Variants in MAP3K6 observed in about 807,000 individuals in gnomAD.
MAP3K6 encodes the protein mitogen-activated protein kinase kinase kinase 6, also known as apoptosis signal-regulating kinase 2.
A neutral mutation model predicts 147.1 loss-of-function variants in MAP3K6; 105 were observed. The observed-to-expected ratio is 0.71, with a 90% CI of 0.61 to 0.84. MAP3K6 has a LOEUF of 0.84. Ranked by LOEUF, MAP3K6 falls within the 40% of genes least tolerant of loss-of-function variation. The probability of loss-of-function intolerance (pLI) is 0.00; values close to 1 mark genes in which losing one functional copy is unlikely to be tolerated. For missense variants in MAP3K6, 1,569 were observed against 1,715.0 expected (o/e 0.91, Z 1.50); for synonymous variants, 695 against 732.4 (o/e 0.95, Z 0.82).
chr1:27,358,034 G>T lies in MAP3K6; in HGVS notation c.2915+147C>A. 2 of 1,489,542 alleles carry T rather than the reference G, an allele frequency of 1.3e-6. No homozygotes were observed. Among genetic ancestry groups the T allele is most frequent in the South Asian group, 2.7e-5 (2 of 72,748 alleles). The allele number at this position is 1,489,542 out of a possible 1,614,324, so 92.3% of individuals were successfully genotyped here. A position where few individuals can be genotyped will look rare whatever the true frequency, so the allele number is the denominator to read the frequency against. ...GAGAGGACACAACAAGTCCAAGTTA[G>T]AGTTGCCAGAACAGGGCATGGGGAG... On this transcript the variant is annotated intron_variant, in intron 21 of 28. Transcript: ENST00000357582. The surrounding 1 kb of genome is among the most constrained non-coding windows in gnomAD (Gnocchi z 6.2).
At chr1:27,365,650 C>G (rs1280090830) in intron 1 of MAP3K6, among the ~76,000 whole-genome samples, 2 of 151,966 alleles carry the variant, frequency 1.3e-5, no homozygotes, top group African/African-American at 4.8e-5. Context: ...CTTCCCCGCC[C>G]CTTCCCCGCC....
At chr1:27,363,048 C>T (rs1428491846) in intron 6 of MAP3K6, 27 bp from the exon 7 acceptor site, 1 of 1,597,056 alleles carries the variant, frequency 6.3e-7, no homozygotes. Context: ...CTCAGGCCCT[C>T]CCTGATGGCC....
Position 27,359,417 on chromosome 1 carries a change from C to G in MAP3K6, c.2425G>C (p.Gly809Arg), listed in dbSNP as rs763272163. 1 of 1,614,138 alleles carries G rather than the reference C, an allele frequency of 6.2e-7. No individual in the cohort carries two copies. The highest frequency in any genetic ancestry group is 1.7e-5 in the Admixed American group (1 of 60,022). ...GITPCTETFT[G>R]TLQYMAPEII... ...ACTCACCACCCCCACACCTTGTTAC[C>G]TGTGAAGGTCTCAGTGCAAGGTGTG... The change falls in exon 18 of 29, where the codon GGA becomes CGA. Residue 809 changes from glycine (G) to arginine (R), a missense_variant and splice_region_variant. Gly to Arg is a moderately radical substitution (Grantham distance 125, BLOSUM62 -2). Coordinates refer to ENST00000357582, the MANE Select transcript of MAP3K6 (RefSeq NM_004672.5). This position sits in a 1 kb window ranked among gnomAD's most constrained non-coding sequence, Gnocchi z 4.4.
chr1:27,364,719 G>T lies in MAP3K6; in HGVS notation c.481-35C>A. On this transcript the variant is annotated intron_variant, in intron 2 of 28. Transcript: ENST00000357582. This position sits in a 1 kb window ranked among gnomAD's most constrained non-coding sequence, Gnocchi z 4.4. ...GCAGACAGTCAGATACTGGTGTTCT[G>T]TGTAGGCCTTACCCCAGCCCTGTGC... The T allele has an allele frequency of 3.7e-6, 6 of 1,614,174 alleles. No individual in the cohort carries two copies. Among genetic ancestry groups the T allele is most frequent in the Non-Finnish European group, 5.1e-6 (6 of 1,180,024 alleles).
Position 27,366,373 on chromosome 1 carries a change from C to G in MAP3K6, c.225G>C (p.Leu75=). Residue 75 remains leucine, a synonymous_variant, in exon 1 of 29, where the codon CTG becomes CTC. Coordinates refer to ENST00000357582, the MANE Select transcript of MAP3K6 (RefSeq NM_004672.5). This position sits in a 1 kb window ranked among gnomAD's most constrained non-coding sequence, Gnocchi z 5.5. ...GGGGGACCTGCGCGCAAGCCTCGCG[C>G]AGGCAGCGCAGGGGCAGCGGCTCCG... ...TEAEPLPLRC[L]REACAQVPRP... is the part of the protein sequence containing the mutation. The G allele has an allele frequency of 7.9e-7, 1 of 1,270,452 alleles. No individual in the cohort carries two copies. Among genetic ancestry groups the G allele is most frequent in the Non-Finnish European group, 9.9e-7 (1 of 1,009,240 alleles). 78.7% of individuals were successfully genotyped at this position (1,270,452 alleles called of 1,614,324 possible).
Position 27,360,595 on chromosome 1 carries a change from T to A in MAP3K6, c.2054+110A>T. 1 of 1,459,192 alleles carries A rather than the reference T, an allele frequency of 6.9e-7. No homozygotes were observed. Among genetic ancestry groups the A allele is most frequent in the Non-Finnish European group, 9.1e-7 (1 of 1,100,936 alleles). The allele number at this position is 1,459,192 out of a possible 1,614,324, so 90.4% of individuals were successfully genotyped here. A position where few individuals can be genotyped will look rare whatever the true frequency, so the allele number is the denominator to read the frequency against. ...AGTCCACAGGGCTCGAACTCTCAGG[T>A]CCTACGAGCCCGCCCACTAGGCCCC... On this transcript the variant is annotated intron_variant, in intron 15 of 28. Transcript: ENST00000357582. The surrounding 1 kb of genome is among the most constrained non-coding windows in gnomAD (Gnocchi z 4.5).
intron 28 of MAP3K6, 55 bp downstream of exon 28, chr1:27,355,614 G>C: frequency 6.3e-7 from 1 of 1,598,826 alleles, no homozygotes; most frequent in Non-Finnish European, 8.6e-7. Context: ...CAGGCCTGCA[G>C]TTGGCCAGGA....
In MAP3K6 at chr1:27,359,283, A is replaced by G. The variant is rs910055697; in HGVS notation, c.2425+134T>C. ...ATGCCACCACCTCAGCCCTGGCCCAATCACTCACCCTGGGTTTCATTCCCC... is the reference window on the plus strand; with the variant it reads ...ATGCCACCACCTCAGCCCTGGCCCAGTCACTCACCCTGGGTTTCATTCCCC... On this transcript the variant is annotated intron_variant, in intron 18 of 28. Transcript: ENST00000357582. This position sits in a 1 kb window ranked among gnomAD's most constrained non-coding sequence, Gnocchi z 4.4. 7.6e-7 allele frequency: 1 copy of G among 1,309,352 alleles called. No homozygotes were observed. Among genetic ancestry groups the G allele is most frequent in the South Asian group, 1.3e-5 (1 of 74,158 alleles). 81.1% of individuals were successfully genotyped at this position (1,309,352 alleles called of 1,614,324 possible).
rs1434342402 is a variant in MAP3K6, at chr1:27,364,980, TCCTGGCTTGA to T, written c.341-78_341-69del. 6 of 1,506,422 alleles carry T rather than the reference TCCTGGCTTGA, an allele frequency of 4.0e-6. No individual in the cohort carries two copies. Among genetic ancestry groups the T allele is most frequent in the Non-Finnish European group, 5.4e-6 (6 of 1,119,754 alleles). 93.3% of individuals were successfully genotyped at this position (1,506,422 alleles called of 1,614,324 possible). On this transcript the variant is annotated intron_variant, in intron 1 of 28. Transcript: ENST00000357582. This position sits in a 1 kb window ranked among gnomAD's most constrained non-coding sequence, Gnocchi z 4.4. ...TTGATGGGGAAGGAGCCGGGGTCCA[TCCTGGCTTGA>T]CCTGCCTTGCTGTGGGACTCCAGTA...
In MAP3K6 at chr1:27,361,801, A is replaced by G. The variant is rs1005935363; in HGVS notation, c.1482T>C (p.Pro494=). The part of the protein sequence containing the change: ...YQHFRPTPEP[P]GGPPRRAHFW... The stretch of plus-strand genomic sequence containing the variant: ...AGTGGGCACGGCGTGGTGGCCCTCC[A>G]GGGGGCTCTGGCGTGGGCCTGAAGT... The change falls in exon 10 of 29, where the codon CCT becomes CCC. Residue 494 remains proline (P), a synonymous_variant. Transcript: ENST00000357582. The G allele has an allele frequency of 3.1e-6, 5 of 1,609,576 alleles. No individual in the cohort carries two copies. The highest frequency in any genetic ancestry group is 2.7e-5 in the African/African-American group (2 of 74,894).
chr1:27,359,533 G>C lies in MAP3K6; in HGVS notation c.2320-11C>G, dbSNP rs1278559539. 1 of 1,614,030 alleles carries C rather than the reference G, an allele frequency of 6.2e-7. No homozygotes were observed. Among genetic ancestry groups the C allele is most frequent in the Admixed American group, 1.7e-5 (1 of 60,012 alleles). On this transcript the variant is annotated splice_polypyrimidine_tract_variant and intron_variant, in intron 17 of 28. Transcript: ENST00000357582. The surrounding 1 kb of genome is among the most constrained non-coding windows in gnomAD (Gnocchi z 4.4). ...CAGCACATTGTCCCCCTGATTGACA[G>C]CCATTAGTGGACACTGGTCTGGGCC... is the stretch of plus-strand genomic sequence containing the variant.
At chr1:27,356,164 C>T in intron 26 of MAP3K6, 65 bp from the exon 27 acceptor site, 1 of 1,455,548 alleles carries the variant, frequency 6.9e-7, no homozygotes, top group Non-Finnish European at 9.6e-7. Context: ...CTCGAACCCA[C>T]CAATAGTGTT....
chr1:27,360,705 C>A lies in MAP3K6; in HGVS notation c.2054G>T (p.Arg685Met), dbSNP rs1345638791. ...CCACCCGCGCTGCCACGCACCGCAC[C>A]TGCTGTCCCGCTCCGGGATCTCCTT... ...AIKEIPERDSRFSQPLHEEIA... is the reference protein window; with the variant it reads ...AIKEIPERDSMFSQPLHEEIA... The change falls in exon 15 of 29, where the codon AGG becomes ATG. Residue 685 changes from arginine (R) to methionine (M), a missense_variant and splice_region_variant. Physicochemically the swap from Arg to Met is moderately conservative, Grantham distance 91. Transcript: ENST00000357582. The surrounding 1 kb of genome is among the most constrained non-coding windows in gnomAD (Gnocchi z 4.5). 1.2e-6 allele frequency: 2 copies of A among 1,611,200 alleles called. No individual in the cohort carries two copies. Among genetic ancestry groups the A allele is most frequent in the Non-Finnish European group, 8.5e-7 (1 of 1,179,346 alleles).
rs2015570549 is a variant in MAP3K6 at position 27,357,453 on chromosome 1, G to A, written c.3205C>T (p.Gln1069Ter). 6.2e-7 allele frequency: 1 copy of A among 1,613,340 alleles called. No homozygotes were observed. The highest frequency in any genetic ancestry group is 8.5e-7 in the Non-Finnish European group (1 of 1,179,766). Residue 1069 changes from glutamine (Q) to a stop codon, truncating the protein, a stop_gained, in exon 23 of 29, where the codon CAG (glutamine) becomes TAG (stop). Transcript: ENST00000357582. LOFTEE classifies it high-confidence loss of function. ...LRALQGRLRAQGLGPALLHRP... is the reference protein window; with the variant it reads ...LRALQGRLRA ...TGCAGAAGCGCAGGCCCAAGGCCCTGGGCCCTCAGCCGTCCTTGCAGCGCC... is the reference window on the plus strand; with the variant it reads ...TGCAGAAGCGCAGGCCCAAGGCCCTAGGCCCTCAGCCGTCCTTGCAGCGCC...
At position 27,360,834 on chromosome 1, in the gene MAP3K6, T is replaced by G; in HGVS notation, c.1925A>C (p.Asp642Ala). 1 of 1,612,764 alleles carries G rather than the reference T, an allele frequency of 6.2e-7. No individual in the cohort carries two copies. The highest frequency in any genetic ancestry group is 8.5e-7 in the Non-Finnish European group (1 of 1,179,822). ...CTCGCCCGTCTCCGTGTACTCATAA[T>G]CAAACTGCCGGGCGCGGGGTGAGAT... is the stretch of plus-strand genomic sequence containing the variant. Reference protein sequence around the residue: ...AEGAGEMLEFDYEYTETGERL... With the variant: ...AEGAGEMLEFAYEYTETGERL... Residue 642 changes from aspartate to alanine, a missense_variant, in exon 15 of 29, where the codon GAT (aspartate) becomes GCT (alanine). Asp to Ala is a moderately radical substitution (Grantham distance 126). Coordinates refer to ENST00000357582, the MANE Select transcript of MAP3K6 (RefSeq NM_004672.5). This position sits in a 1 kb window ranked among gnomAD's most constrained non-coding sequence, Gnocchi z 4.5.
intron 22 of MAP3K6, 25 bp from the exon 23 acceptor site, chr1:27,357,601 A>G (rs764384578): frequency 6.3e-7 from 1 of 1,598,444 alleles, no homozygotes; most frequent in Non-Finnish European, 8.5e-7. Flanking sequence ...AGGGGTTGTC[A>G]GCGAGTGCTC....
At position 27,356,087 on chromosome 1, in the gene MAP3K6, G is replaced by T. The variant is rs777110745; in HGVS notation, c.3650C>A (p.Thr1217Lys). The T allele has an allele frequency of 1.2e-6, 2 of 1,613,896 alleles. No individual in the cohort carries two copies. Among genetic ancestry groups the T allele is most frequent in the African/African-American group, 1.3e-5 (1 of 74,992 alleles). The change falls in exon 27 of 29, where the codon ACG (threonine) becomes AAG (lysine). Residue 1217 changes from threonine (T) to lysine (K), a missense_variant. By Grantham distance (78) the Thr-to-Lys change is moderately conservative. Transcript: ENST00000357582. ...TAGCCACTGCACCAGGCCCTGGTCC[G>T]TTGAAAGAGCAGCTGTCAAGAAGCA... ...LAPEPPTALS[T>K]DQGLVQWLQE...
Position 27,364,335 on chromosome 1 carries a change from C to A in MAP3K6, c.564G>T (p.Leu188=), listed in dbSNP as rs1470843222. ...PYVVTATGRV[L]CGDAGLLRGL... Reference sequence around the variant, plus strand: ...CCCGCAGAAGGCCTGCATCACCACACAGCACCCGACCAGTGGCCGTCACCA... The same window carrying A: ...CCCGCAGAAGGCCTGCATCACCACAAAGCACCCGACCAGTGGCCGTCACCA... Residue 188 remains leucine, a synonymous_variant, in exon 4 of 29, where the codon CTG becomes CTT. Coordinates refer to ENST00000357582, the MANE Select transcript of MAP3K6 (RefSeq NM_004672.5). This position sits in a 1 kb window ranked among gnomAD's most constrained non-coding sequence, Gnocchi z 4.4. The A allele has an allele frequency of 5.6e-6, 9 of 1,614,100 alleles. No individual in the cohort carries two copies. The highest frequency in any genetic ancestry group is 2.2e-5 in the East Asian group (1 of 44,882).
intron 23 of MAP3K6, 58 bp from the exon 24 acceptor site, chr1:27,357,172 G>C (rs2015559621): frequency 1.3e-6 from 2 of 1,501,482 alleles, no homozygotes; most frequent in African/African-American, 2.8e-5. Flanking sequence ...GGCAGGGCTT[G>C]AGTTGGAAAG....
Sources: gnomAD v4.1 joint callset for allele counts (sites outside exome capture counted in the v4.1 genomes callset) on GRCh38, gnomAD v4.1.1 for gene constraint, Gnocchi (gnomAD v3.1) non-coding constraint, MANE v1.5 for transcripts, NCBI Gene and HGNC (gene_info 2026-07-23, HGNC 2026-07-21) for gene names.